Variants in ARL3 observed in about 807,000 individuals in gnomAD.
ARL3 encodes ARF like GTPase 3, also known as ADP-ribosylation factor-like protein 3.
A neutral mutation model predicts 26.0 loss-of-function variants in ARL3; 9 were observed. The observed-to-expected ratio is 0.35, with a 90% CI of 0.21 to 0.60. The LOEUF is 0.60. Among genes scored for constraint, ARL3 ranks in the 20% least tolerant of loss-of-function variants. The pLI, the probability that ARL3 is intolerant of heterozygous loss-of-function variation, is 0.78. For missense variants in ARL3, 158 were observed against 215.7 expected (o/e 0.73, Z 1.67); for synonymous variants, 71 against 78.4 (o/e 0.91, Z 0.50).
intron 5 of ARL3, 86 bp downstream of exon 5, chr10:102,685,730 C>T: frequency 7.3e-7 from 1 of 1,367,566 alleles, no homozygotes; most frequent in Non-Finnish European, 9.9e-7. Flanking sequence ...GGCTCATCTG[C>T]CCATCAAGAT....
intron 2 of ARL3, among the ~76,000 whole-genome samples, chr10:102,700,164 A>T (rs2064271640): frequency 6.6e-6 from 1 of 152,056 alleles, no homozygotes; most frequent in Non-Finnish European, 1.5e-5. Flanking sequence ...TAATCCCAGC[A>T]CTCTGGGAGG....
At chr10:102,700,187 G>A (rs568471488) in intron 2 of ARL3, among the ~76,000 whole-genome samples, 2 of 152,216 alleles carry the variant, frequency 1.3e-5, no homozygotes, top group South Asian at 4.1e-4. Context: ...GAGGCGGATG[G>A]ATCAGGAGGT....
chr10:102,699,530 G>C (rs1191378953), intron 2 of ARL3, 41 bp from the exon 3 acceptor site: 4 of 1,202,482 alleles, frequency 3.3e-6, no homozygotes, highest in Non-Finnish European at 4.9e-6. Context: ...TTAAACTTTG[G>C]GATCATAATT....
At chr10:102,697,050 G>A (rs542732657) in intron 3 of ARL3, among the ~76,000 whole-genome samples, 3 of 152,254 alleles carry the variant, frequency 2.0e-5, no homozygotes, top group Non-Finnish European at 2.9e-5. Flanking sequence ...ACCTGTACAC[G>A]AAGTTACTGT....
At chr10:102,696,533 G>C (rs2064249140) in intron 3 of ARL3, among the ~76,000 whole-genome samples, 1 of 152,184 alleles carries the variant, frequency 6.6e-6, no homozygotes, top group African/African-American at 2.4e-5. Flanking sequence ...CAAAGTGCTG[G>C]GATTACAGGC....
At chr10:102,693,149 A>T (rs1006372813) in intron 3 of ARL3, among the ~76,000 whole-genome samples, 1 of 152,240 alleles carries the variant, frequency 6.6e-6, no homozygotes, top group Admixed American at 6.5e-5. Context: ...AAGATGCCAT[A>T]AACATTCCTA....
intron 3 of ARL3, among the ~76,000 whole-genome samples, chr10:102,698,581 A>T (rs1282175293): frequency 6.6e-6 from 1 of 152,122 alleles, no homozygotes; most frequent in Non-Finnish European, 1.5e-5. Flanking sequence ...AGATGACAAG[A>T]CCATTGAAGG....
intron 2 of ARL3, 140 bp from the exon 3 acceptor site, chr10:102,699,629 TTG>T: frequency 1.7e-6 from 1 of 595,648 alleles, no homozygotes; most frequent in Non-Finnish European, 3.0e-6. Flanking sequence ...AAATGATTTG[TTG>T]TGACAGAGAA....
intron 1 of ARL3, among the ~76,000 whole-genome samples, chr10:102,706,081 T>C (rs2064310073): frequency 6.6e-6 from 1 of 152,184 alleles, no homozygotes; most frequent in Non-Finnish European, 1.5e-5. Flanking sequence ...ATTGCATGCC[T>C]GTATCAAAAC....
chr10:102,701,530 A>G (rs1393535326), intron 2 of ARL3, among the ~76,000 whole-genome samples: 1 of 152,218 alleles, frequency 6.6e-6, no homozygotes. Context: ...TCTAAAGGGA[A>G]ATGGCTTAAG....
rs960041634 is a variant in ARL3 at position 102,673,862 on chromosome 10, C to A, written c.*3032G>T. 34 of 152,282 alleles carry A rather than the reference C, an allele frequency of 2.2e-4. No homozygotes were observed. The highest frequency in any genetic ancestry group is 8.2e-4 in the African/African-American group (34 of 41,404). 9.4% of individuals were successfully genotyped at this position (152,282 alleles called of 1,614,324 possible). ...TCAAAAGGGATTATAAAAAAAGAAC[C>A]TTTTGATGGATCAGACTGAACCCTG... On this transcript the variant is annotated 3_prime_UTR_variant, in exon 6 of 6. Transcript: ENST00000260746.
At chr10:102,689,061 G>A (rs1020417890) in intron 4 of ARL3, among the ~76,000 whole-genome samples, 1 of 152,144 alleles carries the variant, frequency 6.6e-6, no homozygotes, top group African/African-American at 2.4e-5. Flanking sequence ...GGAGGCTCAC[G>A]CCTGTAATCC....
At chr10:102,693,058 T>C (rs2064228103) in intron 3 of ARL3, among the ~76,000 whole-genome samples, 1 of 152,222 alleles carries the variant, frequency 6.6e-6, no homozygotes. Flanking sequence ...TATTCTACTA[T>C]ACGGGTGTAC....
Position 102,676,155 on chromosome 10 carries a change from T to G in ARL3, c.*739A>C, listed in dbSNP as rs2135993405. Reference sequence around the variant, plus strand: ...CCTCTCCTTACATTCCAGATGTCATTACAGTCAAAAGTCATAAGAATTTGC... The same window carrying G: ...CCTCTCCTTACATTCCAGATGTCATGACAGTCAAAAGTCATAAGAATTTGC... On this transcript the variant is annotated 3_prime_UTR_variant, in exon 6 of 6. Transcript: ENST00000260746. The G allele has an allele frequency of 8.2e-6, 1 of 121,868 alleles. No homozygotes were observed. Among genetic ancestry groups the G allele is most frequent in the East Asian group, 2.8e-4 (1 of 3,618 alleles). The allele number at this position is 121,868 out of a possible 1,614,324, so 7.5% of individuals were successfully genotyped here.
At chr10:102,685,667 G>T in intron 5 of ARL3, 149 bp downstream of exon 5, 1 of 770,510 alleles carries the variant, frequency 1.3e-6, no homozygotes, top group Non-Finnish European at 2.0e-6. Context: ...ATATCTGATT[G>T]GTTGCTAAGC....
chr10:102,693,909 G>GA (rs1200714586), intron 3 of ARL3, among the ~76,000 whole-genome samples: 2 of 151,990 alleles, frequency 1.3e-5, no homozygotes, highest in Non-Finnish European at 2.9e-5. Flanking sequence ...TTCTGGACTC[G>GA]AAGCATCCTC....
intron 3 of ARL3, among the ~76,000 whole-genome samples, chr10:102,690,603 G>C (rs1305099004): frequency 6.6e-6 from 1 of 151,932 alleles, no homozygotes; most frequent in Non-Finnish European, 1.5e-5. Context: ...TTTAAATTAT[G>C]TTAAGTTTAA....
In ARL3 at chr10:102,675,953, A is replaced by G. The variant is rs988596228; in HGVS notation, c.*941T>C. On this transcript the variant is annotated 3_prime_UTR_variant, in exon 6 of 6. Coordinates refer to ENST00000260746, the MANE Select transcript of ARL3 (RefSeq NM_004311.4). The stretch of plus-strand genomic sequence containing the variant: ...CGGCCTATTGTGATCGTTTAAACAC[A>G]GAATTCTTTGAGCTTTAGAAATCCT... The G allele has an allele frequency of 1.4e-4, 21 of 152,794 alleles. No homozygotes were observed. Among genetic ancestry groups the G allele is most frequent in the African/African-American group, 4.3e-4 (18 of 41,588 alleles). 9.5% of individuals were successfully genotyped at this position (152,794 alleles called of 1,614,324 possible). A position where few individuals can be genotyped will look rare whatever the true frequency, so the allele number is the denominator to read the frequency against.
intron 3 of ARL3, among the ~76,000 whole-genome samples, chr10:102,690,570 G>A (rs777941820): frequency 1.4e-4 from 21 of 152,090 alleles, no homozygotes; most frequent in Non-Finnish European, 2.8e-4. Flanking sequence ...ACAAGCATGA[G>A]CTACTGTGGC....
Sources: gnomAD v4.1 joint callset for allele counts (sites outside exome capture counted in the v4.1 genomes callset) on GRCh38, gnomAD v4.1.1 for gene constraint, MANE v1.5 for transcripts, NCBI Gene and HGNC (gene_info 2026-07-23, HGNC 2026-07-21) for gene names.